Variants in WDR41 observed in about 807,000 individuals in gnomAD.
WDR41 encodes the protein WD repeat domain 41, also known as WD repeat-containing protein 41.
Under a neutral mutation model 69.3 loss-of-function variants are expected in WDR41, and 63 were observed. The observed-to-expected ratio is 0.91, with a 90% CI of 0.74 to 1.12. The LOEUF (loss-of-function observed/expected upper bound fraction) is 1.12. Ranked by LOEUF, WDR41 falls within the 50% of genes most tolerant of loss-of-function variation. WDR41 has a pLI of 0.00. For missense variants in WDR41, 543 were observed against 534.5 expected, an observed-to-expected ratio of 1.02 and a Z score of -0.16; for synonymous variants, 185 against 192.1, an observed-to-expected ratio of 0.96 and a Z score of 0.31.
chr5:77,471,826 C>G (rs943828492), intron 2 of WDR41, among the ~76,000 whole-genome samples: 2 of 152,140 alleles, frequency 1.3e-5, no homozygotes, highest in Non-Finnish European at 2.9e-5. Flanking sequence ...CAGATGGATT[C>G]ACAGCCGAAT....
intron 1 of WDR41, among the ~76,000 whole-genome samples, chr5:77,564,403 G>A (rs1429815952): frequency 6.6e-6 from 1 of 152,016 alleles, no homozygotes; most frequent in African/African-American, 2.4e-5. Flanking sequence ...AAAACTAAAC[G>A]AATTGCATTT....
At chr5:77,615,687 C>CAAAAA (rs10695519) in intron 1 of WDR41, among the ~76,000 whole-genome samples, 22 of 79,364 alleles carry the variant, frequency 2.8e-4, no homozygotes, top group Admixed American at 6.4e-4. Context: ...TACTGCAAGT[C>CAAAAA]AAAAAAAAAA....
In WDR41 at chr5:77,492,202, C is replaced by G. The variant is rs371727227; in HGVS notation, c.19G>C (p.Gly7Arg). MLRWLI[G>R]GGREPQGLAE... ...AGTCCCTGCGGTTCTCGGCCTCCCC[C>G]GATCAGCCATCGCAACATCCGGGCA... is the stretch of plus-strand genomic sequence containing the variant. Residue 7 changes from glycine to arginine, a missense_variant, in exon 1 of 13, where the codon GGG (glycine) becomes CGG (arginine). Coordinates refer to ENST00000296679, the MANE Select transcript of WDR41 (RefSeq NM_018268.4). 3.1e-6 allele frequency: 5 copies of G among 1,612,452 alleles called. No individual in the cohort carries two copies. Among genetic ancestry groups the G allele is most frequent in the African/African-American group, 1.3e-5 (1 of 74,796 alleles).
chr5:77,555,589 T>A (rs1743375777), intron 1 of WDR41, among the ~76,000 whole-genome samples: 1 of 152,020 alleles, frequency 6.6e-6, no homozygotes, highest in Admixed American at 6.5e-5. Context: ...GGATTACAGG[T>A]GTGAGCCACC....
intron 1 of WDR41, among the ~76,000 whole-genome samples, chr5:77,567,490 CAG>C (rs1743654964): frequency 6.6e-6 from 1 of 152,020 alleles, no homozygotes; most frequent in African/African-American, 2.4e-5. Context: ...TCCATCCTCA[CAG>C]AGTTACTTGA....
intron 9 of WDR41, among the ~76,000 whole-genome samples, chr5:77,439,197 T>C (rs548934995): frequency 2.6e-5 from 4 of 152,306 alleles, no homozygotes; most frequent in South Asian, 2.1e-4. Flanking sequence ...TCTTACTCAA[T>C]AGATATCCCC....
rs745880648 is a variant in WDR41, at chr5:77,436,414, C to G, written c.1094-20G>C. On this transcript the variant is annotated intron_variant, in intron 11 of 12. Coordinates refer to ENST00000296679, the MANE Select transcript of WDR41 (RefSeq NM_018268.4). ...AAAAACCTAGAAAAAGAATCATTTC[C>G]AAAATTACTGTGCTCTGTACTTACA... 1.5e-5 allele frequency: 25 copies of G among 1,613,218 alleles called. No individual in the cohort carries two copies. Among genetic ancestry groups the G allele is most frequent in the Admixed American group, 3.3e-5 (2 of 59,926 alleles).
chr5:77,433,122 T>C lies in WDR41; in HGVS notation c.*13A>G. On this transcript the variant is annotated 3_prime_UTR_variant, in exon 13 of 13. Coordinates refer to ENST00000296679, the MANE Select transcript of WDR41 (RefSeq NM_018268.4). ...GTTCAAGGTTCATGCATGTGTATTT[T>C]TAATTCCTTAAACTAGACAGCAAGG... The C allele has an allele frequency of 6.2e-7, 1 of 1,605,720 alleles. No homozygotes were observed. Among genetic ancestry groups the C allele is most frequent in the African/African-American group, 1.3e-5 (1 of 74,518 alleles).
At chr5:77,544,478 A>T (rs537123274) in intron 1 of WDR41, among the ~76,000 whole-genome samples, 2 of 152,096 alleles carry the variant, frequency 1.3e-5, no homozygotes, top group South Asian at 2.1e-4. Context: ...ATAAAAAGAC[A>T]TTTCAAGCAA....
At chr5:77,596,796 G>T (rs115840159) in intron 1 of WDR41, among the ~76,000 whole-genome samples, 1 of 152,096 alleles carries the variant, frequency 6.6e-6, no homozygotes, top group Non-Finnish European at 1.5e-5. Context: ...CAGTGAAAAA[G>T]GTAGATAACA....
At chr5:77,614,567 G>A (rs1385843692) in intron 1 of WDR41, among the ~76,000 whole-genome samples, 2 of 143,578 alleles carry the variant, frequency 1.4e-5, no homozygotes, top group Non-Finnish European at 3.0e-5. Context: ...AACACCGCAT[G>A]TTCTCACTCA....
At chr5:77,603,925 T>C (rs544546435) in intron 1 of WDR41, among the ~76,000 whole-genome samples, 1 of 152,328 alleles carries the variant, frequency 6.6e-6, no homozygotes, top group Admixed American at 6.5e-5. Context: ...TCTGTTACAT[T>C]GGTGTATATG....
At chr5:77,557,515 T>C (rs1290759797) in intron 1 of WDR41, among the ~76,000 whole-genome samples, 1 of 152,232 alleles carries the variant, frequency 6.6e-6, no homozygotes, top group African/African-American at 2.4e-5. Context: ...TAAGATGACA[T>C]TTCACATCTG....
Position 77,545,590 on chromosome 5 carries a change from A to T in WDR41, c.43-56018T>A, listed in dbSNP as rs540400942. 1.6e-5 allele frequency: 5 copies of T among 320,426 alleles called. 1 individual carries two copies. Among genetic ancestry groups the T allele is most frequent in the African/African-American group, 8.7e-5 (4 of 45,864 alleles). The allele number at this position is 320,426 out of a possible 1,614,324, so 19.8% of individuals were successfully genotyped here. ...CAAGCTGGGCCGTCTGGTCAAGGAC[A>T]TGAAGATGAAATCCCTGGAGATCTA... On this transcript the variant is annotated intron_variant, in intron 1 of 5. Transcript: ENST00000509971.
intron 3 of WDR41, 23 bp downstream of exon 3, chr5:77,464,738 A>G (rs1221891914): frequency 4.3e-6 from 7 of 1,611,944 alleles, no homozygotes; most frequent in Admixed American, 3.3e-5. Flanking sequence ...TTATCACACA[A>G]TCCACACATA....
intron 2 of WDR41, among the ~76,000 whole-genome samples, chr5:77,467,229 T>C (rs1800345984): frequency 6.6e-6 from 1 of 152,024 alleles, no homozygotes. Context: ...ACATTTTACA[T>C]ACTAATTTTT....
chr5:77,510,270 G>C (rs1039233523), intron 1 of WDR41, among the ~76,000 whole-genome samples: 1 of 152,124 alleles, frequency 6.6e-6, no homozygotes, highest in Admixed American at 6.5e-5. Flanking sequence ...AAAACCATCA[G>C]ATCTCGTGAG....
At chr5:77,531,728 T>C (rs1208732907) in intron 1 of WDR41, among the ~76,000 whole-genome samples, 1 of 152,018 alleles carries the variant, frequency 6.6e-6, no homozygotes, top group African/African-American at 2.4e-5. Flanking sequence ...TACATGGTCA[T>C]AGCAGCATTA....
intron 1 of WDR41, among the ~76,000 whole-genome samples, chr5:77,570,668 T>A (rs1334760962): frequency 6.6e-6 from 1 of 151,666 alleles, no homozygotes; most frequent in Non-Finnish European, 1.5e-5. Flanking sequence ...ATCAGAGAAC[T>A]TAGTGTGGCA....
Sources: gnomAD v4.1 joint callset for allele counts (sites outside exome capture counted in the v4.1 genomes callset) on GRCh38, gnomAD v4.1.1 for gene constraint, MANE v1.5 for transcripts, NCBI Gene and HGNC (gene_info 2026-07-23, HGNC 2026-07-21) for gene names.